Variants in CSTPP1 observed in about 807,000 individuals in gnomAD.
The protein encoded by CSTPP1 is centriolar satellite-associated tubulin polyglutamylase complex regulator 1.
chr11:47,053,060 A>G, the CSTPP1 span: 1 of 153,308 alleles, frequency 6.5e-6, no homozygotes, highest in South Asian at 2.1e-4. Flanking sequence ...CTGTTGTTAG[A>G]GAAGGGAGAG....
At chr11:47,039,842 A>C in the CSTPP1 span, among the ~76,000 whole-genome samples, 2 of 128,570 alleles carry the variant, frequency 1.6e-5, no homozygotes, top group African/African-American at 4.9e-5. Context: ...CCGTCTCAAA[A>C]AAACAAACAA....
chr11:47,017,348 T>C, the CSTPP1 span, among the ~76,000 whole-genome samples: 367 of 152,172 alleles, frequency 2.4e-3, 1 homozygote, highest in African/African-American at 8.1e-3. Flanking sequence ...CTAATTTTTG[T>C]ATTTTTAGTA....
chr11:47,129,250 G>A, the CSTPP1 span, among the ~76,000 whole-genome samples: 4 of 152,180 alleles, frequency 2.6e-5, no homozygotes, highest in African/African-American at 9.7e-5. Context: ...GCATGAGCAC[G>A]TGAGTGGTGG....
At chr11:47,084,053 A>C in the CSTPP1 span, among the ~76,000 whole-genome samples, 1 of 152,220 alleles carries the variant, frequency 6.6e-6, no homozygotes, top group African/African-American at 2.4e-5. Flanking sequence ...CAGTTTTTAC[A>C]ATTGCTTGTT....
At chr11:47,130,985 G>A in the CSTPP1 span, among the ~76,000 whole-genome samples, 2 of 152,196 alleles carry the variant, frequency 1.3e-5, no homozygotes, top group African/African-American at 2.4e-5. Context: ...AGGCTGTTCA[G>A]TCCTCTGGGA....
the CSTPP1 span, among the ~76,000 whole-genome samples, chr11:47,037,316 G>A: frequency 7.9e-6 from 1 of 126,652 alleles, no homozygotes; most frequent in Admixed American, 8.5e-5. Context: ...ATGAAACGAC[G>A]TAGTTGGAAA....
chr11:47,139,080 A>C, the CSTPP1 span, among the ~76,000 whole-genome samples: 1 of 149,768 alleles, frequency 6.7e-6, no homozygotes, highest in African/African-American at 2.5e-5. Context: ...TACCTTCCCT[A>C]TATCATACTG....
At chr11:47,065,481 T>C in the CSTPP1 span, among the ~76,000 whole-genome samples, 2 of 152,118 alleles carry the variant, frequency 1.3e-5, no homozygotes, top group African/African-American at 4.8e-5. Flanking sequence ...TCTCACTCTG[T>C]TGCCCAGACT....
chr11:47,118,965 G>A, the CSTPP1 span, among the ~76,000 whole-genome samples: 2 of 152,252 alleles, frequency 1.3e-5, no homozygotes, highest in South Asian at 2.1e-4. Context: ...CAAACGCTGT[G>A]CTGGGAGAAC....
chr11:47,032,459 C>T, the CSTPP1 span, among the ~76,000 whole-genome samples: 2 of 152,054 alleles, frequency 1.3e-5, no homozygotes, highest in African/African-American at 4.8e-5. Context: ...GTTGACTTTA[C>T]AATTAATACA....
chr11:47,127,464 G>A, the CSTPP1 span, among the ~76,000 whole-genome samples: 4 of 152,276 alleles, frequency 2.6e-5, no homozygotes, highest in Admixed American at 1.3e-4. Context: ...AAAGAACAAA[G>A]GCTTGACAAA....
At chr11:47,101,193 T>TTTTTTTTTTTTTG in the CSTPP1 span, among the ~76,000 whole-genome samples, 2 of 122,606 alleles carry the variant, frequency 1.6e-5, 1 homozygote, top group Non-Finnish European at 3.4e-5. Context: ...TTTTTTTATT[T>TTTTTTTTTTTTTG]TATTTTTAGT....
the CSTPP1 span, among the ~76,000 whole-genome samples, chr11:46,983,257 C>T: frequency 6.6e-6 from 1 of 152,220 alleles, no homozygotes; most frequent in East Asian, 1.9e-4. Context: ...GTCAACAGAA[C>T]CAAGAAGTTT....
At chr11:47,029,475 G>T in the CSTPP1 span, among the ~76,000 whole-genome samples, 3 of 151,958 alleles carry the variant, frequency 2.0e-5, no homozygotes, top group African/African-American at 7.2e-5. Context: ...CGGGCATGGT[G>T]GTGGGCACCT....
chr11:47,074,305 G>T, the CSTPP1 span, among the ~76,000 whole-genome samples: 1 of 152,044 alleles, frequency 6.6e-6, no homozygotes, highest in Non-Finnish European at 1.5e-5. Context: ...TTTGAGACCA[G>T]CCTGGGCAAC....
At chr11:47,067,542 T>C in the CSTPP1 span, among the ~76,000 whole-genome samples, 1 of 152,072 alleles carries the variant, frequency 6.6e-6, no homozygotes, top group African/African-American at 2.4e-5. Context: ...AGGATTAGTA[T>C]CCTTGCAAGA....
At chr11:47,140,399 C>A in the CSTPP1 span, among the ~76,000 whole-genome samples, 1 of 151,604 alleles carries the variant, frequency 6.6e-6, no homozygotes, top group Non-Finnish European at 1.5e-5. Flanking sequence ...GGGCAGAAAT[C>A]ATTTTATTAA....
At chr11:46,938,375 TAC>T in the CSTPP1 span, among the ~76,000 whole-genome samples, 1 of 149,092 alleles carries the variant, frequency 6.7e-6, no homozygotes, top group Non-Finnish European at 1.5e-5. Flanking sequence ...TTATTATAGA[TAC>T]ATATTATTAA....
the CSTPP1 span, among the ~76,000 whole-genome samples, chr11:46,958,282 G>A: frequency 6.6e-6 from 1 of 151,988 alleles, no homozygotes; most frequent in South Asian, 2.1e-4. Context: ...TTACAGGCAT[G>A]AGCCACCACG....
Sources: gnomAD v4.1 joint callset for allele counts (sites outside exome capture counted in the v4.1 genomes callset) on GRCh38, gnomAD v4.1.1 for gene constraint, MANE v1.5 for transcripts, NCBI Gene and HGNC (gene_info 2026-07-23, HGNC 2026-07-21) for gene names.